APBB1IP: variants seen among roughly 807,000 people sequenced by gnomAD.
The protein encoded by APBB1IP is amyloid beta A4 precursor protein-binding family B member 1-interacting protein.
A neutral mutation model predicts 64.9 loss-of-function variants in APBB1IP; 27 were observed. The ratio of observed to expected loss-of-function variants is 0.42; its 90% CI spans 0.31 to 0.57. The LOEUF (loss-of-function observed/expected upper bound fraction) is 0.57. Ranked by LOEUF, APBB1IP falls within the 20% of genes least tolerant of loss-of-function variation. APBB1IP has a pLI of 0.20. For synonymous variants in APBB1IP, 392 were observed against 331.0 expected, an observed-to-expected ratio of 1.18 and a Z score of -2.00; for missense variants, 812 against 845.5, an observed-to-expected ratio of 0.96 and a Z score of 0.49.
intron 2 of APBB1IP, among the ~76,000 whole-genome samples, chr10:26,466,185 G>A (rs1022200848): frequency 1.3e-5 from 2 of 152,146 alleles, no homozygotes; most frequent in African/African-American, 2.4e-5. Flanking sequence ...CAGCCCCTCC[G>A]GGTGTCCTGG....
intron 3 of APBB1IP, among the ~76,000 whole-genome samples, chr10:26,493,063 A>T (rs1835977030): frequency 6.6e-6 from 1 of 152,086 alleles, no homozygotes; most frequent in African/African-American, 2.4e-5. Context: ...AGGGCTATTA[A>T]TTATTAATAT....
intron 2 of APBB1IP, among the ~76,000 whole-genome samples, chr10:26,459,066 T>C (rs1045038032): frequency 9.4e-5 from 14 of 149,478 alleles, no homozygotes; most frequent in African/African-American, 2.5e-4. Flanking sequence ...ATTAGGTATA[T>C]CTCCTAATGC....
At chr10:26,445,127 GAAAAGAAAGAAAGAAAGAAA>G (rs1835378873) in intron 2 of APBB1IP, among the ~76,000 whole-genome samples, 1 of 47,308 alleles carries the variant, frequency 2.1e-5, no homozygotes, top group Non-Finnish European at 3.9e-5. Context: ...AAGAAAGAAA[GAAAAGAAAGAAAGAAAGAAA>G]GAAAGAAAGA....
At chr10:26,522,357 A>T (rs1219459231) in intron 8 of APBB1IP, among the ~76,000 whole-genome samples, 1 of 152,230 alleles carries the variant, frequency 6.6e-6, no homozygotes, top group Non-Finnish European at 1.5e-5. Flanking sequence ...CAGTTGATGA[A>T]TCTACATTGA....
chr10:26,515,673 G>A (rs939531397), intron 8 of APBB1IP, among the ~76,000 whole-genome samples: 2 of 152,220 alleles, frequency 1.3e-5, no homozygotes, highest in Non-Finnish European at 2.9e-5. Flanking sequence ...GTATAACTAA[G>A]AGAAGGAATA....
intron 8 of APBB1IP, 114 bp downstream of exon 8, chr10:26,513,774 G>A (rs79938092): frequency 5.9e-4 from 762 of 1,292,092 alleles, no homozygotes; most frequent in Non-Finnish European, 7.0e-4. Flanking sequence ...ACGGAGTCTC[G>A]AAGGCTGGAG....
Position 26,471,779 on chromosome 10 carries a change from G to A in APBB1IP, c.1-20548G>A, listed in dbSNP as rs1235393149. Among the ~76,000 whole-genome samples the A allele has an allele frequency of 2.0e-5, 3 of 152,006 alleles. No individual in the cohort carries two copies. The East Asian group carries it at 5.8e-4, about 29-fold the overall frequency. On this transcript the variant is annotated intron_variant, in intron 2 of 14. Transcript: ENST00000376236. ...GGCTCACTGCAACCTCCGCCTCCTGGGTTCAAGCGATTCCCCAGCCTGAGC... is the reference window on the plus strand; with the variant it reads ...GGCTCACTGCAACCTCCGCCTCCTGAGTTCAAGCGATTCCCCAGCCTGAGC...
chr10:26,510,747 C>CAG, intron 6 of APBB1IP, among the ~76,000 whole-genome samples: 1 of 151,268 alleles, frequency 6.6e-6, no homozygotes, highest in East Asian at 2.0e-4. Context: ...CACACACACA[C>CAG]ACACACACAC....
At chr10:26,537,998 C>T (rs1836649644) in intron 10 of APBB1IP, among the ~76,000 whole-genome samples, 1 of 149,754 alleles carries the variant, frequency 6.7e-6, no homozygotes, top group African/African-American at 2.4e-5. Flanking sequence ...CTCACTGTTA[C>T]CATTAACACG....
At chr10:26,559,058 G>GA (rs1295231783) in intron 11 of APBB1IP, among the ~76,000 whole-genome samples, 1 of 152,078 alleles carries the variant, frequency 6.6e-6, no homozygotes, top group South Asian at 2.1e-4. Flanking sequence ...TTTGGAAGCA[G>GA]AAAAAACCCT....
At chr10:26,530,720 G>A (rs571067616) in intron 8 of APBB1IP, among the ~76,000 whole-genome samples, 19 of 151,822 alleles carry the variant, frequency 1.3e-4, no homozygotes, top group African/African-American at 1.9e-4. Flanking sequence ...ATAACTCAAC[G>A]TTCTGCCACT....
intron 8 of APBB1IP, among the ~76,000 whole-genome samples, chr10:26,528,542 G>T (rs552430702): frequency 6.6e-6 from 1 of 152,098 alleles, no homozygotes; most frequent in African/African-American, 2.4e-5. Context: ...AATTTTTGTA[G>T]TCTCTTATAT....
chr10:26,486,114 TA>T (rs1163815364), intron 2 of APBB1IP, among the ~76,000 whole-genome samples: 2 of 151,936 alleles, frequency 1.3e-5, no homozygotes, highest in East Asian at 3.9e-4. Flanking sequence ...AATTAAAAAA[TA>T]AAAGGCCCCG....
chr10:26,484,412 T>G (rs1421143907), intron 2 of APBB1IP, among the ~76,000 whole-genome samples: 1 of 152,144 alleles, frequency 6.6e-6, no homozygotes, highest in Non-Finnish European at 1.5e-5. Flanking sequence ...AAGCGATTCT[T>G]GTGCCTCAGA....
At chr10:26,550,579 C>A (rs766434174) in intron 11 of APBB1IP, among the ~76,000 whole-genome samples, 2 of 151,874 alleles carry the variant, frequency 1.3e-5, no homozygotes, top group Non-Finnish European at 2.9e-5. Context: ...TTATACTTTT[C>A]AGCTCTAGGA....
At chr10:26,476,358 G>T (rs12261655) in intron 2 of APBB1IP, among the ~76,000 whole-genome samples, 7,092 of 145,136 alleles carry the variant, frequency 0.049, 548 homozygotes, top group African/African-American at 0.16. Flanking sequence ...GAAGCAGGAG[G>T]ATTGCTTCAG....
At chr10:26,480,812 A>G (rs1235110460) in intron 2 of APBB1IP, among the ~76,000 whole-genome samples, 2 of 152,004 alleles carry the variant, frequency 1.3e-5, no homozygotes, top group Non-Finnish European at 2.9e-5. Flanking sequence ...TAGTGCAAAC[A>G]AAAGTCCAGT....
At chr10:26,493,521 C>T (rs1435451135) in intron 3 of APBB1IP, among the ~76,000 whole-genome samples, 1 of 152,154 alleles carries the variant, frequency 6.6e-6, no homozygotes. Context: ...AATTTAAGTT[C>T]TTCTGCCATG....
intron 8 of APBB1IP, among the ~76,000 whole-genome samples, chr10:26,532,867 G>T (rs953030626): frequency 2.0e-5 from 3 of 152,158 alleles, no homozygotes; most frequent in Non-Finnish European, 4.4e-5. Flanking sequence ...GCTTCTTTCT[G>T]TCCTTGGAAG....
Sources: allele counts gnomAD v4.1 joint callset (sites outside exome capture counted in the v4.1 genomes callset), GRCh38; gene constraint gnomAD v4.1.1; transcripts MANE v1.5; gene names NCBI Gene and HGNC (gene_info 2026-07-23, HGNC 2026-07-21).